The following NRG1 variants were observed in gnomAD, a reference collection of about 807,000 sequenced individuals.
The protein encoded by NRG1 is pro-neuregulin-1, membrane-bound isoform.
A neutral mutation model predicts 63.8 loss-of-function variants in NRG1; 18 were observed. The ratio of observed to expected loss-of-function variants is 0.28; its 90% CI spans 0.19 to 0.42. The LOEUF (loss-of-function observed/expected upper bound fraction) is 0.42. NRG1 is among the 10% of genes least tolerant of loss of function. The pLI is 1.00. For missense variants in NRG1, 762 were observed against 814.7 expected (o/e 0.94, Z 0.79); for synonymous variants, 302 against 301.3 (o/e 1.00, Z -0.02).
intron 5 of NRG1, among the ~76,000 whole-genome samples, chr8:32,714,116 C>A (rs541580773): frequency 1.3e-5 from 2 of 152,284 alleles, no homozygotes; most frequent in South Asian, 4.1e-4. Context: ...TGAGCCCCTC[C>A]ACCCAACCGA....
rs1032364592 is a variant in NRG1, at chr8:32,742,059, A to G, written c.633-616A>G. On this transcript the variant is annotated intron_variant, in intron 6 of 11. Coordinates refer to ENST00000356819, the Ensembl canonical transcript of NRG1. This position sits in a 1 kb window ranked among gnomAD's most constrained non-coding sequence, Gnocchi z 4.2. Reference sequence around the variant, plus strand: ...GATGTACTGAGAATGTGCCCATGAAAGTCCAAAACCAAGAAAGTATGTCAA... The same window carrying G: ...GATGTACTGAGAATGTGCCCATGAAGGTCCAAAACCAAGAAAGTATGTCAA... 7.4e-6 allele frequency: 12 copies of G among 1,613,580 alleles called. No homozygotes were observed. Among genetic ancestry groups the G allele is most frequent in the Non-Finnish European group, 9.3e-6 (11 of 1,179,762 alleles).
Position 32,737,756 on chromosome 8 carries a change from A to C in NRG1, c.633-4919A>C, listed in dbSNP as rs528653971. Among the ~76,000 whole-genome samples, 9 of 147,474 alleles carry C rather than the reference A, an allele frequency of 6.1e-5. No homozygotes were observed. In the South Asian group the frequency reaches 1.9e-3, roughly 32 times the overall value. ...TAGTGTTGTGGTCTCTGCTCACTAC[A>C]ACCTCCGCCTTCTGGGTTCAAGCGA... On this transcript the variant is annotated intron_variant, in intron 6 of 11. Coordinates refer to ENST00000356819, the Ensembl canonical transcript of NRG1.
At chr8:32,472,956 G>A (rs952884119) in intron 1 of NRG1, among the ~76,000 whole-genome samples, 10 of 152,170 alleles carry the variant, frequency 6.6e-5, no homozygotes, top group African/African-American at 2.4e-4. Context: ...TTCGCTATGT[G>A]TTTTGACCTT....
chr8:32,164,658 G>C (rs1839213067), intron 1 of NRG1, among the ~76,000 whole-genome samples: 1 of 152,082 alleles, frequency 6.6e-6, no homozygotes, highest in Non-Finnish European at 1.5e-5. Context: ...CATAAAAAGA[G>C]GTATTTTAGG....
At chr8:32,363,968 A>G (rs1173358234) in intron 1 of NRG1, among the ~76,000 whole-genome samples, 1 of 151,994 alleles carries the variant, frequency 6.6e-6, no homozygotes, top group East Asian at 1.9e-4. Context: ...GTGAACACTA[A>G]AAAGGGTGAA....
chr8:32,499,495 C>A (rs1293812536), intron 1 of NRG1, among the ~76,000 whole-genome samples: 2 of 152,030 alleles, frequency 1.3e-5, no homozygotes, highest in Non-Finnish European at 2.9e-5. Context: ...TAAACCCGGG[C>A]AACACAGTGT....
intron 1 of NRG1, among the ~76,000 whole-genome samples, chr8:32,487,641 A>G (rs1314454542): frequency 6.6e-6 from 1 of 152,210 alleles, no homozygotes; most frequent in Non-Finnish European, 1.5e-5. Flanking sequence ...CCGCATCTGT[A>G]TGCCTATTCC....
intron 1 of NRG1, among the ~76,000 whole-genome samples, chr8:32,227,375 T>C (rs1386931447): frequency 2.0e-5 from 3 of 152,168 alleles, no homozygotes; most frequent in Admixed American, 1.3e-4. Context: ...TGAGGTAAAA[T>C]ATGCTAAGTA....
intron 1 of NRG1, among the ~76,000 whole-genome samples, chr8:31,718,252 A>G (rs1812555456): frequency 6.6e-6 from 1 of 152,074 alleles, no homozygotes; most frequent in Middle Eastern, 3.2e-3. Flanking sequence ...CAGTGTGTCA[A>G]TTATAGATAA....
At chr8:31,739,689 G>A (rs920436398) in intron 1 of NRG1, among the ~76,000 whole-genome samples, 1 of 152,062 alleles carries the variant, frequency 6.6e-6, no homozygotes, top group African/African-American at 2.4e-5. Flanking sequence ...ACATCTAAAT[G>A]TTAATATTGT....
At chr8:32,339,446 T>G (rs1391082784) in intron 1 of NRG1, among the ~76,000 whole-genome samples, 1 of 152,182 alleles carries the variant, frequency 6.6e-6, no homozygotes, top group African/African-American at 2.4e-5. Flanking sequence ...AAAAAGATAG[T>G]GAAATTGGAT....
At chr8:32,326,432 C>G (rs1014874015) in intron 1 of NRG1, among the ~76,000 whole-genome samples, 1 of 151,184 alleles carries the variant, frequency 6.6e-6, no homozygotes, top group Non-Finnish European at 1.5e-5. Context: ...CCATCTCAGT[C>G]TCCCAAGTAT....
chr8:32,137,999 T>C (rs1326494623), intron 1 of NRG1, among the ~76,000 whole-genome samples: 2 of 152,176 alleles, frequency 1.3e-5, no homozygotes, highest in East Asian at 3.9e-4. Flanking sequence ...CTTTTGATGT[T>C]GAAGCGTCTT....
chr8:32,503,288 G>GAAAAAAAAAA (rs60857610), intron 1 of NRG1, among the ~76,000 whole-genome samples: 3 of 54,862 alleles, frequency 5.5e-5, no homozygotes, highest in Non-Finnish European at 1.0e-4. Context: ...CTCTGTCTCA[G>GAAAAAAAAAA]AAAAAAAAAA....
chr8:32,124,645 C>A (rs1833866420), intron 1 of NRG1, among the ~76,000 whole-genome samples: 1 of 151,872 alleles, frequency 6.6e-6, no homozygotes, highest in African/African-American at 2.4e-5. Flanking sequence ...ATGTACCAGG[C>A]CATTCACTGT....
downstream of NRG1, among the ~76,000 whole-genome samples, chr8:32,772,664 A>G (rs1379366453): frequency 6.6e-6 from 1 of 152,186 alleles, no homozygotes; most frequent in Non-Finnish European, 1.5e-5. Flanking sequence ...CTTCAACAGC[A>G]GAGGACTTCT....
intron 1 of NRG1, among the ~76,000 whole-genome samples, chr8:32,515,768 G>GT (rs1242193313): frequency 6.6e-6 from 1 of 152,062 alleles, no homozygotes; most frequent in Non-Finnish European, 1.5e-5. Context: ...GGGGTTATTT[G>GT]TTTTTTGTTT....
rs558028377 is a variant in NRG1, at chr8:31,843,435, A to AT, written c.37+204010dup. Among the ~76,000 whole-genome samples the AT allele has an allele frequency of 5.9e-5, 9 of 152,226 alleles. No homozygotes were observed. The East Asian group carries it at 1.2e-3, about 20-fold the overall frequency. On this transcript the variant is annotated intron_variant, in intron 1 of 10. Coordinates refer to the NRG1 transcript ENST00000519301. ...CAGCTAATCTACTGAGAAAGTAGTA[A>AT]TTTTTTCTGACTAGTGGTGGCCTAC... is the stretch of plus-strand genomic sequence containing the variant.
intron 1 of NRG1, among the ~76,000 whole-genome samples, chr8:32,123,339 A>C (rs1314187957): frequency 1.3e-5 from 2 of 151,850 alleles, no homozygotes; most frequent in African/African-American, 4.8e-5. Context: ...AAGTCTCATG[A>C]GATCTGATGA....
Sources: allele counts gnomAD v4.1 joint callset (sites outside exome capture counted in the v4.1 genomes callset), GRCh38; gene constraint gnomAD v4.1.1; non-coding constraint Gnocchi (gnomAD v3.1); transcripts MANE v1.5; gene names NCBI Gene and HGNC (gene_info 2026-07-23, HGNC 2026-07-21).